R3HCC1L: variants seen among roughly 807,000 people sequenced by gnomAD.
The protein encoded by R3HCC1L is coiled-coil domain-containing protein R3HCC1L.
In R3HCC1L, 51 loss-of-function variants were observed where a neutral mutation model predicts 59.9. The ratio of observed to expected loss-of-function variants is 0.85; its 90% CI spans 0.68 to 1.07. The LOEUF is 1.07. Ranked by LOEUF, R3HCC1L falls within the 50% of genes least tolerant of loss-of-function variation. R3HCC1L has a pLI of 0.00. For synonymous variants in R3HCC1L, 322 were observed against 315.2 expected (o/e 1.02, Z -0.23); for missense variants, 965 against 933.0 (o/e 1.03, Z -0.45).
rs7896055 is a variant in R3HCC1L at position 98,210,159 on chromosome 10, G to A, written c.1785+260G>A. Among the ~76,000 whole-genome samples, 897 of 152,186 alleles carry A rather than the reference G, an allele frequency of 5.9e-3. 5 individuals are homozygous for A. The highest frequency in any genetic ancestry group is 0.021 in the African/African-American group (861 of 41,532). On this transcript the variant is annotated intron_variant, in intron 5 of 9. Transcript: ENST00000298999. ...TTAATGGATTTTAACTATCTGTCAA[G>A]GAAATGCAAAGGAAAACTTCTTCAA...
At chr10:98,210,443 C>T (rs1048664840) in intron 5 of R3HCC1L, among the ~76,000 whole-genome samples, 5 of 152,094 alleles carry the variant, frequency 3.3e-5, no homozygotes, top group African/African-American at 9.7e-5. Flanking sequence ...TAATGATATG[C>T]TGGCCAATTA....
At chr10:98,174,674 C>T in intron 4 of R3HCC1L, 1 of 984,582 alleles carries the variant, frequency 1.0e-6, no homozygotes, top group Admixed American at 6.1e-5. Flanking sequence ...ATGAGGCCAT[C>T]CTGCCCAGAA....
chr10:98,186,186 G>A (rs1219903748), intron 4 of R3HCC1L, among the ~76,000 whole-genome samples: 3 of 152,140 alleles, frequency 2.0e-5, no homozygotes, highest in South Asian at 2.1e-4. Context: ...CATTGAGGCC[G>A]TGGAGGTAAG....
At chr10:98,230,529 C>T (rs948871067) in intron 5 of R3HCC1L, among the ~76,000 whole-genome samples, 3 of 152,184 alleles carry the variant, frequency 2.0e-5, no homozygotes, top group African/African-American at 2.4e-5. Flanking sequence ...AAAACCAGCT[C>T]CTGGATTCAT....
Position 98,208,078 on chromosome 10 carries a change from A to C in R3HCC1L, c.-14-23A>C, listed in dbSNP as rs914056978. Reference sequence around the variant, plus strand: ...AATACATTGTAATTAGTGTCTAATAATTAAATCATTCTTCTCTTGCAGATT... The same window carrying C: ...AATACATTGTAATTAGTGTCTAATACTTAAATCATTCTTCTCTTGCAGATT... On this transcript the variant is annotated intron_variant, in intron 4 of 9. Transcript: ENST00000298999. The C allele has an allele frequency of 5.8e-6, 9 of 1,557,780 alleles. No homozygotes were observed. In the African/African-American group the frequency reaches 1.2e-4, roughly 22 times the overall value.
intron 4 of R3HCC1L, among the ~76,000 whole-genome samples, chr10:98,195,786 C>T (rs1275401040): frequency 1.3e-5 from 2 of 152,118 alleles, no homozygotes; most frequent in Admixed American, 1.3e-4. Flanking sequence ...GTTTTGTCAT[C>T]AGAACACTGA....
At chr10:98,177,820 A>T (rs894456119) in intron 4 of R3HCC1L, among the ~76,000 whole-genome samples, 2 of 152,166 alleles carry the variant, frequency 1.3e-5, no homozygotes, top group African/African-American at 4.8e-5. Flanking sequence ...TTGGCTGCAT[A>T]AATGTCTTAT....
At chr10:98,196,586 G>C (rs893552455) in intron 4 of R3HCC1L, among the ~76,000 whole-genome samples, 3 of 152,018 alleles carry the variant, frequency 2.0e-5, no homozygotes, top group African/African-American at 7.2e-5. Flanking sequence ...GTAGAGAAAG[G>C]GTTTCTCCTC....
intron 4 of R3HCC1L, chr10:98,174,610 G>C (rs1848817760): frequency 1.0e-6 from 1 of 985,128 alleles, no homozygotes; most frequent in Admixed American, 6.2e-5. Context: ...ACTCATTTAG[G>C]AGGGCGTTAG....
intron 4 of R3HCC1L, among the ~76,000 whole-genome samples, chr10:98,194,307 A>C (rs983389778): frequency 1.3e-5 from 2 of 152,284 alleles, no homozygotes; most frequent in East Asian, 3.9e-4. Context: ...ACCATATACA[A>C]AATTTAATTA....
chr10:98,237,530 A>G (rs752035510), intron 9 of R3HCC1L, among the ~76,000 whole-genome samples: 111 of 152,268 alleles, frequency 7.3e-4, no homozygotes, highest in Middle Eastern at 3.4e-3. Flanking sequence ...ATGCAGCTCC[A>G]CTTGAAGTAT....
At chr10:98,221,390 C>T (rs1854928871) in intron 5 of R3HCC1L, among the ~76,000 whole-genome samples, 2 of 148,414 alleles carry the variant, frequency 1.3e-5, no homozygotes, top group South Asian at 4.4e-4. Context: ...TTAATTAGAT[C>T]CCATTTGTCA....
rs144578361 is a variant in R3HCC1L at position 98,153,558 on chromosome 10, C to A, written c.-267-2535C>A. On this transcript the variant is annotated intron_variant, in intron 1 of 9. Coordinates refer to ENST00000298999, the MANE Select transcript of R3HCC1L (RefSeq NM_001351015.2). ...TGCTGACCTTCCCTCCAGTATTGTC[C>A]TATGACCCTGCCAAATCCCCCTCTG... is the stretch of plus-strand genomic sequence containing the variant. 2.9e-3 allele frequency among the ~76,000 whole-genome samples: 439 copies of A among 150,522 alleles called. 4 individuals carry two copies. The highest frequency in any genetic ancestry group is 9.1e-3 in the African/African-American group (371 of 40,910).
At chr10:98,235,642 A>G in intron 8 of R3HCC1L, 122 bp downstream of exon 8, 1 of 800,030 alleles carries the variant, frequency 1.2e-6, no homozygotes, top group Non-Finnish European at 1.9e-6. Flanking sequence ...TAAAAGAAAT[A>G]TGTTTTTAAG....
rs958895242 is a variant in R3HCC1L, at chr10:98,154,791, T to A, written c.-267-1302T>A. Among the ~76,000 whole-genome samples, 4 of 152,286 alleles carry A rather than the reference T, an allele frequency of 2.6e-5. No homozygotes were observed. In the South Asian group the frequency reaches 6.2e-4, roughly 24 times the overall value. ...TCATTATTGATTATTCTTGATAGAGTTTTTATAATTACTGAACTATGAGTA... is the reference window on the plus strand; with the variant it reads ...TCATTATTGATTATTCTTGATAGAGATTTTATAATTACTGAACTATGAGTA... On this transcript the variant is annotated intron_variant, in intron 1 of 9. Coordinates refer to ENST00000298999, the MANE Select transcript of R3HCC1L (RefSeq NM_001351015.2).
intron 5 of R3HCC1L, among the ~76,000 whole-genome samples, chr10:98,219,928 C>A (rs773170906): frequency 6.6e-6 from 1 of 152,166 alleles, no homozygotes; most frequent in Non-Finnish European, 1.5e-5. Flanking sequence ...ATATCTCTTA[C>A]AAGACTTGGG....
chr10:98,211,879 G>A (rs1214760785), intron 5 of R3HCC1L, among the ~76,000 whole-genome samples: 2 of 152,098 alleles, frequency 1.3e-5, no homozygotes, highest in Non-Finnish European at 2.9e-5. Flanking sequence ...CAGTGTTTAG[G>A]TGTAAGATAA....
chr10:98,234,460 A>G lies in R3HCC1L; in HGVS notation c.1976A>G (p.Asp659Gly), dbSNP rs747731231. 9 of 1,613,202 alleles carry G rather than the reference A, an allele frequency of 5.6e-6. No homozygotes were observed. Among genetic ancestry groups the G allele is most frequent in the Non-Finnish European group, 6.8e-6 (8 of 1,179,692 alleles). Residue 659 changes from aspartate (D) to glycine (G), a missense_variant, in exon 7 of 10, where the codon GAT (aspartate) becomes GGT (glycine). Asp to Gly is a moderately conservative substitution (Grantham distance 94, BLOSUM62 -1). Coordinates refer to ENST00000298999, the MANE Select transcript of R3HCC1L (RefSeq NM_001351015.2). ...VFCSYQKKGF[D>G]IKWVDDTHAL... Reference sequence around the variant, plus strand: ...TTGTGTTGCAGAAAGAAAGGATTTGATATTAAATGGGTGGATGATACACAT... The same window carrying G: ...TTGTGTTGCAGAAAGAAAGGATTTGGTATTAAATGGGTGGATGATACACAT...
intron 9 of R3HCC1L, among the ~76,000 whole-genome samples, chr10:98,241,091 G>A (rs1050476144): frequency 2.0e-5 from 3 of 151,898 alleles, no homozygotes; most frequent in African/African-American, 4.8e-5. Flanking sequence ...TAAATATTTA[G>A]TAAACTTAAA....
Sources: allele counts gnomAD v4.1 joint callset (sites outside exome capture counted in the v4.1 genomes callset), GRCh38; gene constraint gnomAD v4.1.1; transcripts MANE v1.5; gene names NCBI Gene and HGNC (gene_info 2026-07-23, HGNC 2026-07-21).